Variants in RANBP2 observed in about 807,000 individuals in gnomAD.
RANBP2 encodes the protein E3 SUMO-protein ligase RanBP2.
Under a neutral mutation model 303.6 loss-of-function variants are expected in RANBP2, and 57 were observed. The ratio of observed to expected loss-of-function variants is 0.19; its 90% confidence interval spans 0.15 to 0.23. The LOEUF is 0.23. RANBP2 is among the 10% of genes least tolerant of loss of function. The pLI is 1.00. For missense variants in RANBP2, 3,138 were observed against 3,780.8 expected, an observed-to-expected ratio of 0.83 and a Z score of 4.46; for synonymous variants, 1,167 against 1,301.5, an observed-to-expected ratio of 0.90 and a Z score of 2.23.
chr2:109,218,529 C>T, the RANBP2 span, among the ~76,000 whole-genome samples: 1 of 152,134 alleles, frequency 6.6e-6, no homozygotes, highest in Non-Finnish European at 1.5e-5. Context: ...GTGTGTGGTA[C>T]GGATGCCTTC....
At chr2:109,634,457 C>T in the RANBP2 span, among the ~76,000 whole-genome samples, 1 of 152,208 alleles carries the variant, frequency 6.6e-6, no homozygotes, top group Non-Finnish European at 1.5e-5. Context: ...ATGAGAGCTT[C>T]AGAGCATGCA....
chr2:108,884,585 A>T, the RANBP2 span: 1 of 152,206 alleles, frequency 6.6e-6, no homozygotes, highest in East Asian at 1.9e-4. Context: ...AGCGTATTTC[A>T]TGTAGGAACC....
chr2:109,202,488 G>C, the RANBP2 span, among the ~76,000 whole-genome samples: 1 of 152,158 alleles, frequency 6.6e-6, no homozygotes, highest in Admixed American at 6.5e-5. Context: ...CCTGGGGCGC[G>C]TTCTTGTTCC....
At position 108,740,717 on chromosome 2, in the gene RANBP2, A is replaced by T. The variant is rs377337323; in HGVS notation, c.975+36A>T. 3 of 1,597,252 alleles carry T rather than the reference A, an allele frequency of 1.9e-6. No homozygotes were observed. In the African/African-American group the frequency reaches 4.0e-5, roughly 21 times the overall value. ...CACTTGTAGGAGCAATTGACATTTC[A>T]CTGAGTCTTGATGTGTTTGAAATGA... On this transcript the variant is annotated intron_variant, in intron 7 of 28. Coordinates refer to ENST00000283195, the MANE Select transcript of RANBP2 (RefSeq NM_006267.5).
At position 108,737,999 on chromosome 2, in the gene RANBP2, C is replaced by T. The variant is rs188124980; in HGVS notation, c.782+1750C>T. Among the ~76,000 whole-genome samples the T allele has an allele frequency of 6.8e-4, 103 of 150,448 alleles. 2 individuals are homozygous for T. The East Asian group carries it at 0.019, about 28-fold the overall frequency. Reference sequence around the variant, plus strand: ...AAAGTGTTGGGATTACAGGCGTGAGCCACCGCGCCCAGCCCACACCTGGCT... The same window carrying T: ...AAAGTGTTGGGATTACAGGCGTGAGTCACCGCGCCCAGCCCACACCTGGCT... On this transcript the variant is annotated intron_variant, in intron 6 of 28. Transcript: ENST00000283195.
intron 1 of RANBP2, among the ~76,000 whole-genome samples, chr2:108,725,525 G>A (rs1209233815): frequency 1.2e-4 from 19 of 152,226 alleles, no homozygotes; most frequent in Admixed American, 1.2e-3. Context: ...ACTTTGGGAG[G>A]TGGAGGAAGT....
At chr2:109,658,876 C>A in the RANBP2 span, among the ~76,000 whole-genome samples, 1 of 152,064 alleles carries the variant, frequency 6.6e-6, no homozygotes, top group Admixed American at 6.6e-5. Flanking sequence ...ACTAGCCTGG[C>A]CAACATGGTG....
the RANBP2 span, among the ~76,000 whole-genome samples, chr2:109,636,434 A>G: frequency 6.6e-6 from 1 of 152,198 alleles, no homozygotes; most frequent in Non-Finnish European, 1.5e-5. Context: ...GACAATGAGG[A>G]ACTCTTGACA....
the RANBP2 span, among the ~76,000 whole-genome samples, chr2:109,603,820 G>A: frequency 6.6e-6 from 1 of 152,104 alleles, no homozygotes; most frequent in Non-Finnish European, 1.5e-5. Flanking sequence ...TGGGTCCTGA[G>A]GTCAGCAGTT....
the RANBP2 span, among the ~76,000 whole-genome samples, chr2:108,821,505 T>TA: frequency 6.6e-6 from 1 of 152,080 alleles, no homozygotes; most frequent in South Asian, 2.1e-4. Flanking sequence ...AGAAAATACT[T>TA]ACAGAATATA....
chr2:109,576,191 T>A, the RANBP2 span, among the ~76,000 whole-genome samples: 1 of 152,126 alleles, frequency 6.6e-6, no homozygotes, highest in Non-Finnish European at 1.5e-5. Flanking sequence ...AGCCCAGAAA[T>A]TCAAAGCTGC....
chr2:108,857,840 A>C, the RANBP2 span, among the ~76,000 whole-genome samples: 2 of 152,248 alleles, frequency 1.3e-5, no homozygotes, highest in Non-Finnish European at 2.9e-5. Context: ...ATCATACCAG[A>C]TGCAAATGTG....
At chr2:108,778,107 T>TA (rs1269833248) in intron 25 of RANBP2, among the ~76,000 whole-genome samples, 1 of 152,052 alleles carries the variant, frequency 6.6e-6, no homozygotes, top group South Asian at 2.1e-4. Context: ...AAATAAGCAA[T>TA]ATAGTAGGTA....
chr2:108,822,678 A>G, the RANBP2 span, among the ~76,000 whole-genome samples: 1 of 152,226 alleles, frequency 6.6e-6, no homozygotes, highest in East Asian at 1.9e-4. Context: ...TGAAAATTTA[A>G]AAACTCACTC....
chr2:108,812,631 T>G, the RANBP2 span: 3 of 1,610,396 alleles, frequency 1.9e-6, no homozygotes, highest in Non-Finnish European at 2.5e-6. Flanking sequence ...TACCCTTTAG[T>G]TAAATGAAGC....
chr2:109,766,847 G>A, the RANBP2 span, among the ~76,000 whole-genome samples: 36 of 150,182 alleles, frequency 2.4e-4, 1 homozygote, highest in African/African-American at 7.6e-4. Context: ...TCGAGGCCCC[G>A]TAAAAGACGA....
the RANBP2 span, among the ~76,000 whole-genome samples, chr2:109,086,337 T>C: frequency 6.6e-6 from 1 of 152,226 alleles, no homozygotes; most frequent in African/African-American, 2.4e-5. Context: ...CCTGGAACTC[T>C]TGGATGCAGG....
chr2:108,929,026 C>T, the RANBP2 span, among the ~76,000 whole-genome samples: 1 of 152,206 alleles, frequency 6.6e-6, no homozygotes, highest in Admixed American at 6.5e-5. Context: ...CCGGAGGGGC[C>T]AGGACTCTCC....
At chr2:109,113,894 ATG>A in the RANBP2 span, among the ~76,000 whole-genome samples, 3 of 152,296 alleles carry the variant, frequency 2.0e-5, no homozygotes, top group Admixed American at 6.5e-5. Flanking sequence ...TGAGATAATC[ATG>A]TGGTTTTTGT....
Sources: gnomAD v4.1 joint callset for allele counts (sites outside exome capture counted in the v4.1 genomes callset) on GRCh38, gnomAD v4.1.1 for gene constraint, MANE v1.5 for transcripts, NCBI Gene and HGNC (gene_info 2026-07-23, HGNC 2026-07-21) for gene names.